DIAPH1: variants seen among roughly 807,000 people sequenced by gnomAD.
DIAPH1 encodes the protein diaphanous related formin 1, also known as protein diaphanous homolog 1.
DIAPH1 carries 46 observed loss-of-function variants against 140.7 expected under a neutral mutation model. That is an observed-to-expected ratio of 0.33 (90% CI 0.26 to 0.42). The LOEUF (loss-of-function observed/expected upper bound fraction) is 0.42. DIAPH1 is among the 10% of genes least tolerant of loss of function. DIAPH1 has a pLI of 1.00. For missense variants in DIAPH1, 1,310 were observed against 1,558.7 expected (o/e 0.84, Z 2.69); for synonymous variants, 565 against 551.6 (o/e 1.02, Z -0.34).
intron 1 of DIAPH1, among the ~76,000 whole-genome samples, chr5:141,604,340 C>T (rs1168150264): frequency 1.3e-5 from 2 of 152,186 alleles, no homozygotes; most frequent in Non-Finnish European, 2.9e-5. Context: ...ATTTCTCAAG[C>T]TTCAAATATT....
intron 18 of DIAPH1, among the ~76,000 whole-genome samples, chr5:141,546,651 GA>G (rs929611743): frequency 2.1e-4 from 23 of 109,308 alleles, no homozygotes; most frequent in African/African-American, 7.4e-4. Context: ...ATGAGACTCT[GA>G]AAAAAAAAAG....
At chr5:141,609,814 A>C (rs1163360507) in intron 1 of DIAPH1, among the ~76,000 whole-genome samples, 3 of 152,346 alleles carry the variant, frequency 2.0e-5, no homozygotes, top group South Asian at 2.1e-4. Flanking sequence ...AAGGTTGCTA[A>C]CACCACCACC....
chr5:141,553,361 C>T (rs1460252168), intron 18 of DIAPH1, among the ~76,000 whole-genome samples: 5 of 151,906 alleles, frequency 3.3e-5, no homozygotes, highest in Non-Finnish European at 7.4e-5. Flanking sequence ...CAGTCTCGGC[C>T]GGGCATGGTG....
At position 141,573,818 on chromosome 5, in the gene DIAPH1, G is replaced by A. The variant is rs186370335; in HGVS notation, c.2032C>T (p.Pro678Ser). Residue 678 changes from proline (P) to serine (S), a missense_variant, in exon 16 of 28, where the codon CCT becomes TCT. By Grantham distance (74) the Pro-to-Ser change is moderately conservative (BLOSUM62 -1). This residue lies in a region of DIAPH1 where 589 missense variants were observed against 549.3 expected (regional missense o/e 1.07). Transcript: ENST00000389054. ...SLPGGTAIPP[P>S]PPLPGSARIP... is the part of the protein sequence containing the mutation. Reference sequence around the variant, plus strand: ...CTAGCACTCCCAGGCAAAGGAGGAGGTGGGGGGATGGCAGTACCTCCAGGC... The same window carrying A: ...CTAGCACTCCCAGGCAAAGGAGGAGATGGGGGGATGGCAGTACCTCCAGGC... The A allele has an allele frequency of 1.9e-4, 296 of 1,518,218 alleles. 1 individual carries two copies. In the East Asian group the frequency reaches 5.2e-3, roughly 27 times the overall value. The allele number at this position is 1,518,218 out of a possible 1,614,324, so 94.0% of individuals were successfully genotyped here.
rs1218727809 is a variant in DIAPH1 at position 141,515,667 on chromosome 5, A to C, written c.*1184T>G. On this transcript the variant is annotated 3_prime_UTR_variant, in exon 28 of 28. Coordinates refer to ENST00000389054, the MANE Select transcript of DIAPH1 (RefSeq NM_005219.5). ...CACATTTGGCTTGATACATTTATAC[A>C]TTTATAAAAAACTCTGTGGTCTTAG... 1 of 152,196 alleles carries C rather than the reference A, an allele frequency of 6.6e-6. No homozygotes were observed. Among genetic ancestry groups the C allele is most frequent in the African/African-American group, 2.4e-5 (1 of 41,444 alleles). 9.4% of individuals were successfully genotyped at this position (152,196 alleles called of 1,614,324 possible). A position where few individuals can be genotyped will look rare whatever the true frequency, so the allele number is the denominator to read the frequency against.
At chr5:141,557,428 ATGTG>A (rs764095818) in intron 18 of DIAPH1, among the ~76,000 whole-genome samples, 49 of 152,208 alleles carry the variant, frequency 3.2e-4, no homozygotes, top group African/African-American at 1.1e-3. Context: ...CTTTACATAT[ATGTG>A]TGTATGTGTG....
intron 1 of DIAPH1, among the ~76,000 whole-genome samples, chr5:141,614,212 G>A (rs558253202): frequency 4.8e-4 from 73 of 152,090 alleles, no homozygotes; most frequent in Middle Eastern, 6.8e-3. Flanking sequence ...CATAAAAAGG[G>A]ATATATAAAC....
intron 16 of DIAPH1, 152 bp downstream of exon 16, chr5:141,573,340 C>G (rs2099895473): frequency 2.2e-6 from 2 of 906,810 alleles, no homozygotes; most frequent in Non-Finnish European, 3.3e-6. Context: ...GAGGCTGAGG[C>G]AGGAGAATGG....
At chr5:141,602,484 G>C (rs1394991770) in intron 1 of DIAPH1, among the ~76,000 whole-genome samples, 1 of 152,130 alleles carries the variant, frequency 6.6e-6, no homozygotes, top group East Asian at 1.9e-4. Context: ...CAAAGTGCTG[G>C]GATTACAAGC....
chr5:141,591,563 T>A (rs1189182381), intron 1 of DIAPH1, among the ~76,000 whole-genome samples: 1 of 150,284 alleles, frequency 6.7e-6, no homozygotes, highest in East Asian at 2.0e-4. Context: ...AGGGGATGAG[T>A]TGGATACAGA....
chr5:141,597,471 A>C (rs1205900695), intron 1 of DIAPH1, among the ~76,000 whole-genome samples: 1 of 152,252 alleles, frequency 6.6e-6, no homozygotes, highest in African/African-American at 2.4e-5. Flanking sequence ...AGCTTTAAAA[A>C]ATCTGTTCCC....
chr5:141,532,387 C>T (rs1156252941), intron 19 of DIAPH1, among the ~76,000 whole-genome samples: 1 of 152,198 alleles, frequency 6.6e-6, no homozygotes, highest in Non-Finnish European at 1.5e-5. Context: ...CCAGGCTGGT[C>T]TTGAACTCTT....
intron 1 of DIAPH1, among the ~76,000 whole-genome samples, chr5:141,615,383 A>G (rs377128556): frequency 1.4e-5 from 2 of 140,408 alleles, no homozygotes; most frequent in East Asian, 2.3e-4. Flanking sequence ...CAGTGAGCCG[A>G]GATCGCGCCA....
At chr5:141,567,192 A>G (rs1233372310) in intron 18 of DIAPH1, among the ~76,000 whole-genome samples, 1 of 152,152 alleles carries the variant, frequency 6.6e-6, no homozygotes, top group Non-Finnish European at 1.5e-5. Context: ...ATGGCATAAT[A>G]TTAGATCCAG....
chr5:141,591,695 G>GATAGATAGAT (rs1554210985), intron 1 of DIAPH1, among the ~76,000 whole-genome samples: 1 of 86,326 alleles, frequency 1.2e-5, no homozygotes, highest in South Asian at 4.3e-4. Flanking sequence ...GGGAGATGGG[G>GATAGATAGAT]ATATATATAT....
chr5:141,525,936 C>T (rs2099887272), intron 26 of DIAPH1, 102 bp downstream of exon 26: 4 of 1,578,478 alleles, frequency 2.5e-6, no homozygotes, highest in Admixed American at 1.7e-5. Flanking sequence ...AAATCATTTG[C>T]CAGGAGGTGA....
intron 18 of DIAPH1, among the ~76,000 whole-genome samples, chr5:141,545,854 C>A (rs1016676704): frequency 6.6e-6 from 1 of 152,074 alleles, no homozygotes; most frequent in Non-Finnish European, 1.5e-5. Flanking sequence ...TCCAATAAAA[C>A]CTTATTAACA....
At chr5:141,518,673 C>T (rs1180552634) in intron 27 of DIAPH1, 1 of 469,810 alleles carries the variant, frequency 2.1e-6, no homozygotes, top group Non-Finnish European at 3.9e-6. Context: ...TAAGCATGTG[C>T]CACCATATCT....
rs1562274666 is a variant in DIAPH1, at chr5:141,516,708, G to C, written c.*143C>G. 1.1e-6 allele frequency: 1 copy of C among 885,512 alleles called. No individual in the cohort carries two copies. Among genetic ancestry groups the C allele is most frequent in the Non-Finnish European group, 1.8e-6 (1 of 556,506 alleles). The allele number at this position is 885,512 out of a possible 1,614,324, so 54.9% of individuals were successfully genotyped here. ...TGAAGCTGTATGTGATGTTGAGAGA[G>C]CAGCAGGCCAGAGAGAAAGACAGGG... On this transcript the variant is annotated 3_prime_UTR_variant, in exon 28 of 28. Transcript: ENST00000389054.
Sources: allele counts gnomAD v4.1 joint callset (sites outside exome capture counted in the v4.1 genomes callset), GRCh38; gene constraint gnomAD v4.1.1; regional missense constraint gnomAD v4.1.1; transcripts MANE v1.5; gene names NCBI Gene and HGNC (gene_info 2026-07-23, HGNC 2026-07-21).